PEX14: variants seen among roughly 807,000 people sequenced by gnomAD.
PEX14 encodes peroxisomal biogenesis factor 14.
In PEX14, 15 loss-of-function variants were observed where a neutral mutation model predicts 49.5. The ratio of observed to expected loss-of-function variants is 0.30; its 90% CI spans 0.20 to 0.47. The LOEUF (loss-of-function observed/expected upper bound fraction) is 0.47, where lower values mean the gene tolerates loss of function less well. PEX14 is among the 20% of genes least tolerant of loss of function. The pLI is 1.00. For missense variants in PEX14, 398 were observed against 494.8 expected (o/e 0.80, Z 1.86); for synonymous variants, 210 against 212.7 (o/e 0.99, Z 0.11).
At chr1:10,506,589 A>G (rs575096958) in intron 2 of PEX14, among the ~76,000 whole-genome samples, 4 of 152,356 alleles carry the variant, frequency 2.6e-5, no homozygotes, top group African/African-American at 9.6e-5. Context: ...AATGTGTTCT[A>G]TAAAAAGAAA....
chr1:10,486,552 C>T (rs894115242), intron 1 of PEX14, among the ~76,000 whole-genome samples: 5 of 151,736 alleles, frequency 3.3e-5, no homozygotes, highest in African/African-American at 1.2e-4. Flanking sequence ...CATGGTGGCA[C>T]ATACCTGGAG....
intron 2 of PEX14, among the ~76,000 whole-genome samples, chr1:10,523,769 A>G (rs972931998): frequency 2.0e-5 from 3 of 151,208 alleles, no homozygotes; most frequent in Non-Finnish European, 4.4e-5. Flanking sequence ...TCGATATTCT[A>G]GGAGAAGCTT....
At chr1:10,491,713 C>T (rs974394678) in intron 1 of PEX14, among the ~76,000 whole-genome samples, 8 of 125,070 alleles carry the variant, frequency 6.4e-5, no homozygotes, top group African/African-American at 2.2e-4. Context: ...CAGAGTCTCA[C>T]TCTGTCACCT....
chr1:10,571,455 A>G (rs1639975236), intron 3 of PEX14, among the ~76,000 whole-genome samples: 1 of 152,010 alleles, frequency 6.6e-6, no homozygotes. Flanking sequence ...CTAGAGATGG[A>G]TGGTGGTGAT....
At position 10,539,196 on chromosome 1, in the gene PEX14, G is replaced by A. The variant is rs544513079; in HGVS notation, c.169+2899G>A. Among the ~76,000 whole-genome samples, 4 of 152,126 alleles carry A rather than the reference G, an allele frequency of 2.6e-5. No homozygotes were observed. Among genetic ancestry groups the A allele is most frequent in the Non-Finnish European group, 4.4e-5 (3 of 68,034 alleles). On this transcript the variant is annotated intron_variant, in intron 3 of 8. Transcript: ENST00000356607. This position sits in a 1 kb window ranked among gnomAD's most constrained non-coding sequence, Gnocchi z 4.6. ...CTCTGTGACTTCTGGTGGGGGTGCT[G>A]GGTGAGGGTGAGTAGGGAATGAGTG...
At chr1:10,478,352 G>A (rs913912005) in intron 1 of PEX14, among the ~76,000 whole-genome samples, 5 of 152,152 alleles carry the variant, frequency 3.3e-5, no homozygotes, top group Non-Finnish European at 7.4e-5. Context: ...GATTTTTCAT[G>A]TGTTGACTAC....
intron 4 of PEX14, among the ~76,000 whole-genome samples, chr1:10,612,294 A>G (rs920360767): frequency 5.9e-5 from 9 of 152,020 alleles, no homozygotes; most frequent in African/African-American, 1.7e-4. Context: ...TCAGTTGACC[A>G]TGTAAGCATG....
chr1:10,554,538 G>C (rs1476195077), intron 3 of PEX14, among the ~76,000 whole-genome samples: 4 of 152,138 alleles, frequency 2.6e-5, no homozygotes, highest in Non-Finnish European at 5.9e-5. Flanking sequence ...TGCCGGTTCA[G>C]CCTGATCTTA....
chr1:10,629,764 A>T lies in PEX14; in HGVS notation c.911A>T (p.Asp304Val), dbSNP rs199860518. The change falls in exon 9 of 9, where the codon GAC becomes GTC. Residue 304 changes from aspartate (D) to valine (V), a missense_variant. Transcript: ENST00000356607. The surrounding 1 kb of genome is among the most constrained non-coding windows in gnomAD (Gnocchi z 8.5). ...GPQEEGEGVV[D>V]VKGQVRMEVQ... ...CAGGAGGAAGGCGAGGGGGTGGTGG[A>T]CGTCAAGGGCCAGGTGCGGATGGAG... 4.0e-5 allele frequency: 63 copies of T among 1,584,970 alleles called. No individual in the cohort carries two copies. The highest frequency in any genetic ancestry group is 5.2e-6 in the Non-Finnish European group (6 of 1,164,552).
Position 10,512,231 on chromosome 1 carries a change from T to A in PEX14, c.84+16910T>A, listed in dbSNP as rs1482020482. ...CCTCGGCCTCCCAAAGTGCTGAGAT[T>A]ACAGACGTGAGCCACCGTGCCTGGC... is the stretch of plus-strand genomic sequence containing the variant. On this transcript the variant is annotated intron_variant, in intron 2 of 8. Transcript: ENST00000356607. The surrounding 1 kb of genome is among the most constrained non-coding windows in gnomAD (Gnocchi z 4.6). 6.6e-6 allele frequency among the ~76,000 whole-genome samples: 1 copy of A among 152,152 alleles called. No individual in the cohort carries two copies. The highest frequency in any genetic ancestry group is 1.5e-5 in the Non-Finnish European group (1 of 68,030).
chr1:10,579,315 A>G (rs1640242847), intron 3 of PEX14, among the ~76,000 whole-genome samples: 1 of 152,122 alleles, frequency 6.6e-6, no homozygotes, highest in Non-Finnish European at 1.5e-5. Context: ...AACATGAAGG[A>G]AAAAAATAAA....
intron 1 of PEX14, among the ~76,000 whole-genome samples, chr1:10,480,802 A>G (rs1473877680): frequency 3.3e-5 from 5 of 151,370 alleles, no homozygotes; most frequent in African/African-American, 1.2e-4. Flanking sequence ...CACTGTTCAC[A>G]TTTTGCTGAA....
intron 3 of PEX14, among the ~76,000 whole-genome samples, chr1:10,586,628 CTTT>C (rs35743829): frequency 2.2e-5 from 2 of 93,012 alleles, no homozygotes; most frequent in Non-Finnish European, 4.5e-5. Flanking sequence ...AGCCGTTTAC[CTTT>C]TTTTTTTTTT....
chr1:10,567,671 T>A (rs965511951), intron 3 of PEX14, among the ~76,000 whole-genome samples: 1 of 152,120 alleles, frequency 6.6e-6, no homozygotes, highest in African/African-American at 2.4e-5. Context: ...ATTTTTGTAT[T>A]TTTAGTAGAG....
chr1:10,620,206 T>A (rs1209158019), intron 5 of PEX14, among the ~76,000 whole-genome samples: 1 of 151,982 alleles, frequency 6.6e-6, no homozygotes, highest in Non-Finnish European at 1.5e-5. Flanking sequence ...TCCCAGTACT[T>A]TGGGAGGCCA....
rs181118236 is a variant in PEX14 at position 10,534,633 on chromosome 1, T to C, written c.85-1580T>C. Among the ~76,000 whole-genome samples the C allele has an allele frequency of 1.2e-4, 18 of 152,268 alleles. No individual in the cohort carries two copies. In the East Asian group the frequency reaches 3.1e-3, roughly 26 times the overall value. ...ATCTCGAGCATTCATTTTTCTTTAG[T>C]CCAGAACTGGTCTATTACTGTGGTT... On this transcript the variant is annotated intron_variant, in intron 2 of 8. Transcript: ENST00000356607.
At chr1:10,572,685 C>T (rs1640011611) in intron 3 of PEX14, among the ~76,000 whole-genome samples, 1 of 152,106 alleles carries the variant, frequency 6.6e-6, no homozygotes, top group African/African-American at 2.4e-5. Flanking sequence ...TAGGCGCCCC[C>T]CCCACCACGC....
At chr1:10,566,986 ATACTT>A (rs1639823893) in intron 3 of PEX14, among the ~76,000 whole-genome samples, 1 of 152,180 alleles carries the variant, frequency 6.6e-6, no homozygotes, top group South Asian at 2.1e-4. Context: ...CAGATAGTAA[ATACTT>A]TAAGGTTTTG....
At chr1:10,543,674 A>G (rs1405129680) in intron 3 of PEX14, among the ~76,000 whole-genome samples, 1 of 151,964 alleles carries the variant, frequency 6.6e-6, no homozygotes, top group Non-Finnish European at 1.5e-5. Flanking sequence ...TGGCATGATC[A>G]TAGCTCACTG....
Sources: allele counts gnomAD v4.1 joint callset (sites outside exome capture counted in the v4.1 genomes callset), GRCh38; gene constraint gnomAD v4.1.1; non-coding constraint Gnocchi (gnomAD v3.1); transcripts MANE v1.5; gene names NCBI Gene and HGNC (gene_info 2026-07-23, HGNC 2026-07-21).